Variants in ARHGEF15 observed in about 807,000 individuals in gnomAD.
ARHGEF15 encodes the protein Rho guanine nucleotide exchange factor (GEF) 15.
A neutral mutation model predicts 79.7 loss-of-function variants in ARHGEF15; 58 were observed. That is an observed-to-expected ratio of 0.73 (90% CI 0.59 to 0.91). The LOEUF is 0.91. Among genes scored for constraint, ARHGEF15 ranks in the 40% least tolerant of loss-of-function variants. The pLI is 0.00. For missense variants in ARHGEF15, 1,012 were observed against 1,108.1 expected (o/e 0.91, Z 1.23); for synonymous variants, 442 against 456.0 (o/e 0.97, Z 0.39).
chr17:8,312,374 C>T lies in ARHGEF15; in HGVS notation c.335C>T (p.Pro112Leu). 6.2e-7 allele frequency: 1 copy of T among 1,607,816 alleles called. No individual in the cohort carries two copies. The highest frequency in any genetic ancestry group is 8.5e-7 in the Non-Finnish European group (1 of 1,177,006). ...PVSRRSASPE[P>L]APRSPVPPPK... The stretch of plus-strand genomic sequence containing the variant: ...TCCCGGCGCTCCGCCTCCCCAGAAC[C>T]TGCTCCCCGGTCTCCAGTCCCCCCA... Residue 112 changes from proline to leucine, a missense_variant, in exon 2 of 16, where the codon CCT (proline) becomes CTT (leucine). By Grantham distance (98) the Pro-to-Leu change is moderately conservative (BLOSUM62 -3). Transcript: ENST00000361926.
intron 2 of ARHGEF15, 53 bp from the exon 3 acceptor site, chr17:8,312,869 G>T (rs1404051285): frequency 6.4e-7 from 1 of 1,565,778 alleles, no homozygotes; most frequent in Non-Finnish European, 8.6e-7. Context: ...GGTCTGGGCG[G>T]GGGTGGAGCT....
rs970987613 is a variant in ARHGEF15 at position 8,318,970 on chromosome 17, C to G, written c.2034-37C>G. 2 of 1,609,630 alleles carry G rather than the reference C, an allele frequency of 1.2e-6. No individual in the cohort carries two copies. Among genetic ancestry groups the G allele is most frequent in the African/African-American group, 1.3e-5 (1 of 74,906 alleles). On this transcript the variant is annotated intron_variant, in intron 12 of 15. Transcript: ENST00000361926. This position sits in a 1 kb window ranked among gnomAD's most constrained non-coding sequence, Gnocchi z 5.0. ...GTGGGCAGGAGGGGTCCAGCGGGAC[C>G]CCTGCTGTCCTTCTGAACGACCTCA...
chr17:8,312,077 C>T lies in ARHGEF15; in HGVS notation c.38C>T (p.Thr13Met), dbSNP rs373751727. The T allele has an allele frequency of 3.5e-5, 50 of 1,418,140 alleles. No individual in the cohort carries two copies. Among genetic ancestry groups the T allele is most frequent in the East Asian group, 2.1e-4 (6 of 28,596 alleles). The allele number at this position is 1,418,140 out of a possible 1,614,324, so 87.8% of individuals were successfully genotyped here. A position where few individuals can be genotyped will look rare whatever the true frequency, so the allele number is the denominator to read the frequency against. ...TCCCTTCCTGCAGCAACACCCCCCA[C>T]GCAGAAGCCCCCTCGGATCATCCGC... ...AQSLPAATPP[T>M]QKPPRIIRPR... The change falls in exon 2 of 16, where the codon ACG (threonine) becomes ATG (methionine). Residue 13 changes from threonine (T) to methionine (M), a missense_variant. Around this residue, in one of 3 missense-constraint regions of ARHGEF15, gnomAD observed 818 missense variants for 882.5 expected, o/e 0.93. Transcript: ENST00000361926.
In ARHGEF15 at chr17:8,316,150, T is replaced by A. The variant is rs1277653110; in HGVS notation, c.1704+2T>A. ...ACCCGGCTGCGCATGCTGCTGCAGG[T>A]ACCTGTCCCAGCTGCGGCCGTTTCT... On this transcript the variant is annotated splice_donor_variant, in intron 9 of 15. Transcript: ENST00000361926. LOFTEE classifies it high-confidence loss of function. The A allele has an allele frequency of 6.2e-7, 1 of 1,601,870 alleles. No individual in the cohort carries two copies. Among genetic ancestry groups the A allele is most frequent in the Admixed American group, 1.7e-5 (1 of 59,708 alleles).
At position 8,315,715 on chromosome 17, in the gene ARHGEF15, C is replaced by G. The variant is rs753239483; in HGVS notation, c.1422-40C>G. The G allele has an allele frequency of 1.5e-5, 24 of 1,600,888 alleles. No homozygotes were observed. Among genetic ancestry groups the G allele is most frequent in the South Asian group, 8.9e-5 (8 of 90,258 alleles). On this transcript the variant is annotated intron_variant, in intron 7 of 15. Coordinates refer to ENST00000361926, the MANE Select transcript of ARHGEF15 (RefSeq NM_173728.4). The surrounding 1 kb of genome is among the most constrained non-coding windows in gnomAD (Gnocchi z 4.3). ...TCTCAAGAACCCGGGAGACCTGGCT[C>G]TCTGCCCCGCCCCATTGCTTGCTTC...
Position 8,312,351 on chromosome 17 carries a change from C to T in ARHGEF15, c.312C>T (p.Ser104=), listed in dbSNP as rs1461668244. The T allele has an allele frequency of 6.3e-7, 1 of 1,596,336 alleles. No individual in the cohort carries two copies. Among genetic ancestry groups the T allele is most frequent in the African/African-American group, 1.3e-5 (1 of 74,554 alleles). The change falls in exon 2 of 16, where the codon TCC becomes TCT. Residue 104 remains serine (S), a synonymous_variant. Coordinates refer to ENST00000361926, the MANE Select transcript of ARHGEF15 (RefSeq NM_173728.4). ...PSSTPTPSPV[S]RRSASPEPAP... Reference sequence around the variant, plus strand: ...GCACCCCCACACCTAGTCCAGTGTCCCGGCGCTCCGCCTCCCCAGAACCTG... The same window carrying T: ...GCACCCCCACACCTAGTCCAGTGTCTCGGCGCTCCGCCTCCCCAGAACCTG...
At position 8,318,227 on chromosome 17, in the gene ARHGEF15, AG is replaced by A; in HGVS notation, c.1705-158del. 1.5e-6 allele frequency: 1 copy of A among 683,680 alleles called. No homozygotes were observed. Among genetic ancestry groups the A allele is most frequent in the Non-Finnish European group, 2.6e-6 (1 of 386,652 alleles). The allele number at this position is 683,680 out of a possible 1,614,324, so 42.4% of individuals were successfully genotyped here. On this transcript the variant is annotated intron_variant, in intron 9 of 15. Transcript: ENST00000361926. This position sits in a 1 kb window ranked among gnomAD's most constrained non-coding sequence, Gnocchi z 5.0. The stretch of plus-strand genomic sequence containing the variant: ...CAGATAGGGAAGCTGAGGCTCAGAG[AG>A]GTAACAGGACTTGCTCAGGGTTCTG...
rs754191791 is a variant in ARHGEF15, at chr17:8,312,189, C to T, written c.150C>T (p.Ser50=). 2.5e-6 allele frequency: 4 copies of T among 1,608,856 alleles called. No homozygotes were observed. The highest frequency in any genetic ancestry group is 8.5e-7 in the Non-Finnish European group (1 of 1,177,364). The change falls in exon 2 of 16, where the codon TCC becomes TCT. Residue 50 remains serine, a synonymous_variant. Coordinates refer to ENST00000361926, the MANE Select transcript of ARHGEF15 (RefSeq NM_173728.4). Reference sequence around the variant, plus strand: ...CTCCACAAGAACTACCCCGAAACTCCAATGATGCACCAACCCCAATGTGCA... The same window carrying T: ...CTCCACAAGAACTACCCCGAAACTCTAATGATGCACCAACCCCAATGTGCA... The part of the protein sequence containing the change: ...GSSPQELPRN[S]NDAPTPMCTP...
Position 8,318,064 on chromosome 17 carries a change from G to A in ARHGEF15, c.1705-323G>A, listed in dbSNP as rs1463884406. On this transcript the variant is annotated intron_variant, in intron 9 of 15. Transcript: ENST00000361926. This position sits in a 1 kb window ranked among gnomAD's most constrained non-coding sequence, Gnocchi z 5.0. ...AGCCTGGGTGACAGAGCCAGACTCCGGAAGAAAAAAAAATAAGAACCTTCT... is the reference window on the plus strand; with the variant it reads ...AGCCTGGGTGACAGAGCCAGACTCCAGAAGAAAAAAAAATAAGAACCTTCT... 8 of 200,240 alleles carry A rather than the reference G, an allele frequency of 4.0e-5. No homozygotes were observed. The highest frequency in any genetic ancestry group is 5.1e-5 in the Non-Finnish European group (5 of 98,080). The allele number at this position is 200,240 out of a possible 1,614,324, so 12.4% of individuals were successfully genotyped here. A position where few individuals can be genotyped will look rare whatever the true frequency, so the allele number is the denominator to read the frequency against.
chr17:8,319,689 G>A (rs988813085), intron 15 of ARHGEF15, 86 bp downstream of exon 15: 40 of 1,166,166 alleles, frequency 3.4e-5, no homozygotes, highest in Non-Finnish European at 2.3e-5. Flanking sequence ...AGGCTAGAGT[G>A]CAGTGGTGTG....
Position 8,315,076 on chromosome 17 carries a change from C to G in ARHGEF15, c.1059C>G (p.Tyr353Ter). The G allele has an allele frequency of 6.2e-7, 1 of 1,613,412 alleles. No individual in the cohort carries two copies. The highest frequency in any genetic ancestry group is 8.5e-7 in the Non-Finnish European group (1 of 1,179,650). ...ATGTTTGCCCTCTAGAACCTCTGTA[C>G]CAGACCTACCGAGCAGCCGTGCTGT... is the stretch of plus-strand genomic sequence containing the variant. ...WELPLQDEPL[Y>*]QTYRAAVLSE... The change falls in exon 6 of 16, where the codon TAC (tyrosine) becomes TAG (stop). Residue 353 changes from tyrosine to a stop codon, truncating the protein, a stop_gained. Coordinates refer to ENST00000361926, the MANE Select transcript of ARHGEF15 (RefSeq NM_173728.4). LOFTEE classifies it high-confidence loss of function. The surrounding 1 kb of genome is among the most constrained non-coding windows in gnomAD (Gnocchi z 4.3).
Position 8,318,366 on chromosome 17 carries a change from A to G in ARHGEF15, c.1705-21A>G. 6.2e-7 allele frequency: 1 copy of G among 1,610,092 alleles called. No individual in the cohort carries two copies. ...GGGCCACAGAGCAGGGGGCCCAGTC[A>G]CCCTTCCTCCTTGTCCCCAGAATAT... On this transcript the variant is annotated intron_variant, in intron 9 of 15. Coordinates refer to ENST00000361926, the MANE Select transcript of ARHGEF15 (RefSeq NM_173728.4). The surrounding 1 kb of genome is among the most constrained non-coding windows in gnomAD (Gnocchi z 5.0).
chr17:8,311,368 G>A (rs376991958), intron 1 of ARHGEF15, among the ~76,000 whole-genome samples: 7 of 152,080 alleles, frequency 4.6e-5, no homozygotes, highest in Non-Finnish European at 1.0e-4. Flanking sequence ...TAGGGCAGGC[G>A]GGGATGATCA....
chr17:8,312,202 AC>A lies in ARHGEF15; in HGVS notation c.167del (p.Pro56GlnfsTer126). ...ACCCCGAAACTCCAATGATGCACCA[AC>A]CCCAATGTGCACCCCCATCTTCTGG... ...ELPRNSNDAPTPMCTPIFWEP... is the reference protein window; with the variant it reads ...ELPRNSNDAPXPMCTPIFWEP... On this transcript the variant is annotated frameshift_variant, in exon 2 of 16. Coordinates refer to ENST00000361926, the MANE Select transcript of ARHGEF15 (RefSeq NM_173728.4). LOFTEE classifies it high-confidence loss of function. 6.2e-7 allele frequency: 1 copy of A among 1,601,166 alleles called. No individual in the cohort carries two copies. Among genetic ancestry groups the A allele is most frequent in the South Asian group, 1.1e-5 (1 of 89,142 alleles).
rs1477803186 is a variant in ARHGEF15, at chr17:8,313,144, T to C, written c.824T>C (p.Leu275Pro). The change falls in exon 3 of 16, where the codon CTG (leucine) becomes CCG (proline). Residue 275 changes from leucine (L) to proline (P), a missense_variant. Transcript: ENST00000361926. ...SYRSTAERKL[L>P]PLLKPPKPTR... is the part of the protein sequence containing the mutation. ...CGCTCCACTGCTGAGCGCAAACTCC[T>C]GCCACTCCTCAAGCCTCCCAAACCA... 2 of 1,584,434 alleles carry C rather than the reference T, an allele frequency of 1.3e-6. No homozygotes were observed. Among genetic ancestry groups the C allele is most frequent in the African/African-American group, 1.4e-5 (1 of 73,398 alleles).
Position 8,315,478 on chromosome 17 carries a change from C to T in ARHGEF15, c.1325C>T (p.Thr442Ile), listed in dbSNP as rs1166427394. The change falls in exon 7 of 16, where the codon ACC becomes ATC. Residue 442 changes from threonine (T) to isoleucine (I), a missense_variant. Physicochemically the swap from Thr to Ile is moderately conservative, Grantham distance 89. Coordinates refer to ENST00000361926, the MANE Select transcript of ARHGEF15 (RefSeq NM_173728.4). The surrounding 1 kb of genome is among the most constrained non-coding windows in gnomAD (Gnocchi z 4.3). ...CGCTCCCTGCGGCTGCTGACCGACA[C>T]CTTCGTGCTGAGCCAGGCACTCCGG... ...YLRSLRLLTD[T>I]FVLSQALRDT... 1 of 1,613,768 alleles carries T rather than the reference C, an allele frequency of 6.2e-7. No individual in the cohort carries two copies. The highest frequency in any genetic ancestry group is 8.5e-7 in the Non-Finnish European group (1 of 1,180,024).
Position 8,318,220 on chromosome 17 carries a change from C to T in ARHGEF15, c.1705-167C>T. 1 of 668,202 alleles carries T rather than the reference C, an allele frequency of 1.5e-6. No homozygotes were observed. The highest frequency in any genetic ancestry group is 2.7e-6 in the Non-Finnish European group (1 of 375,914). 41.4% of individuals were successfully genotyped at this position (668,202 alleles called of 1,614,324 possible). ...CATTTTACAGATAGGGAAGCTGAGG[C>T]TCAGAGAGGTAACAGGACTTGCTCA... On this transcript the variant is annotated intron_variant, in intron 9 of 15. Coordinates refer to ENST00000361926, the MANE Select transcript of ARHGEF15 (RefSeq NM_173728.4). This position sits in a 1 kb window ranked among gnomAD's most constrained non-coding sequence, Gnocchi z 5.0.
Position 8,315,455 on chromosome 17 carries a change from C to T in ARHGEF15, c.1302C>T (p.Arg434=). The change falls in exon 7 of 16, where the codon CGC becomes CGT. Residue 434 remains arginine (R), a synonymous_variant. Transcript: ENST00000361926. This position sits in a 1 kb window ranked among gnomAD's most constrained non-coding sequence, Gnocchi z 4.3. ...TGACGTCCGAGGCTTCCTACCTGCGCTCCCTGCGGCTGCTGACCGACACCT... is the reference window on the plus strand; with the variant it reads ...TGACGTCCGAGGCTTCCTACCTGCGTTCCCTGCGGCTGCTGACCGACACCT... The part of the protein sequence containing the change: ...EVVTSEASYL[R]SLRLLTDTFV... 1 of 1,613,938 alleles carries T rather than the reference C, an allele frequency of 6.2e-7. No individual in the cohort carries two copies. Among genetic ancestry groups the T allele is most frequent in the Non-Finnish European group, 8.5e-7 (1 of 1,180,018 alleles).
At position 8,320,918 on chromosome 17, in the gene ARHGEF15, G is replaced by A; in HGVS notation, c.2451G>A (p.Arg817=). 6.2e-7 allele frequency: 1 copy of A among 1,614,044 alleles called. No individual in the cohort carries two copies. Among genetic ancestry groups the A allele is most frequent in the Non-Finnish European group, 8.5e-7 (1 of 1,180,022 alleles). The change falls in exon 16 of 16, where the codon AGG becomes AGA. Residue 817 remains arginine (R), a synonymous_variant. Transcript: ENST00000361926. Reference sequence around the variant, plus strand: ...TCACAGGGGAACACGAAAGGAGGAGGCACCTTCGCCAGAACCAGAGGCTTC... The same window carrying A: ...TCACAGGGGAACACGAAAGGAGGAGACACCTTCGCCAGAACCAGAGGCTTC... ...CEVTGEHERR[R]HLRQNQRLLE...
Sources: allele counts gnomAD v4.1 joint callset (sites outside exome capture counted in the v4.1 genomes callset), GRCh38; gene constraint gnomAD v4.1.1; regional missense constraint gnomAD v4.1.1; non-coding constraint Gnocchi (gnomAD v3.1); transcripts MANE v1.5; gene names NCBI Gene and HGNC (gene_info 2026-07-23, HGNC 2026-07-21).